Variants in RPH3A observed in about 807,000 individuals in gnomAD.
The protein encoded by RPH3A is rabphilin-3A.
RPH3A carries 48 observed loss-of-function variants against 102.2 expected under a neutral mutation model. That is an observed-to-expected ratio of 0.47 (90% CI 0.37 to 0.60). The LOEUF (loss-of-function observed/expected upper bound fraction) is 0.60. Ranked by LOEUF, RPH3A falls within the 20% of genes least tolerant of loss-of-function variation. RPH3A has a pLI of 0.00. For synonymous variants in RPH3A, 310 were observed against 324.3 expected (o/e 0.96, Z 0.47); for missense variants, 781 against 910.1 (o/e 0.86, Z 1.83).
chr12:112,672,249 TGG>T (rs1433153903), intron 1 of RPH3A, among the ~76,000 whole-genome samples: 2 of 152,116 alleles, frequency 1.3e-5, no homozygotes, highest in Non-Finnish European at 2.9e-5. Context: ...TCTTCTTCTT[TGG>T]GGGACCTCCA....
At chr12:112,694,410 T>TG in intron 1 of RPH3A, among the ~76,000 whole-genome samples, 1 of 152,208 alleles carries the variant, frequency 6.6e-6, no homozygotes, top group Admixed American at 6.5e-5. Context: ...TACAGGTCTC[T>TG]GGGGCAAGTG....
intron 1 of RPH3A, among the ~76,000 whole-genome samples, chr12:112,662,855 C>T (rs73194711): frequency 0.012 from 1,776 of 151,664 alleles, 20 homozygotes; most frequent in Non-Finnish European, 0.02. Context: ...ATCATGGTGG[C>T]CCATTCTTCC....
At chr12:112,870,083 A>G (rs773328921) in intron 10 of RPH3A, 44 bp downstream of exon 10, 39 of 1,559,052 alleles carry the variant, frequency 2.5e-5, no homozygotes, top group Non-Finnish European at 3.1e-5. Flanking sequence ...CTGGATAGGG[A>G]GACTCAAAAA....
At chr12:112,678,525 CACCA>C (rs2040203939) in intron 1 of RPH3A, among the ~76,000 whole-genome samples, 1 of 152,006 alleles carries the variant, frequency 6.6e-6, no homozygotes, top group Non-Finnish European at 1.5e-5. Context: ...ATATTGACAA[CACCA>C]AGAAAATCAA....
rs142795980 is a variant in RPH3A at position 112,698,485 on chromosome 12, T to A, written c.-139-93658T>A. ...AAGCCACAGACTTAAAGACTATATT[T>A]GTAAAACACATAGCTGATAAGTGAC... On this transcript the variant is annotated intron_variant, in intron 1 of 21. Transcript: ENST00000543106. Among the ~76,000 whole-genome samples the A allele has an allele frequency of 2.1e-3, 324 of 152,326 alleles. 2 individuals carry two copies. The highest frequency in any genetic ancestry group is 7.3e-3 in the African/African-American group (303 of 41,562).
intron 1 of RPH3A, among the ~76,000 whole-genome samples, chr12:112,648,576 A>T (rs2039950250): frequency 9.2e-6 from 1 of 108,778 alleles, no homozygotes; most frequent in Non-Finnish European, 1.9e-5. Context: ...TCTACAAAAA[A>T]AAAAAAAAAA....
intron 1 of RPH3A, among the ~76,000 whole-genome samples, chr12:112,740,184 A>G (rs1215201444): frequency 1.3e-5 from 2 of 152,212 alleles, no homozygotes; most frequent in African/African-American, 4.8e-5. Context: ...AGATAATAAT[A>G]GTACCTTCTA....
At chr12:112,630,601 G>A (rs957058899) in intron 1 of RPH3A, among the ~76,000 whole-genome samples, 9 of 152,200 alleles carry the variant, frequency 5.9e-5, no homozygotes, top group African/African-American at 1.9e-4. Flanking sequence ...TCTGGCTAAG[G>A]CCAATTCTTT....
At chr12:112,889,590 C>A (rs1008334369) in intron 17 of RPH3A, among the ~76,000 whole-genome samples, 2 of 152,144 alleles carry the variant, frequency 1.3e-5, no homozygotes, top group African/African-American at 4.8e-5. Flanking sequence ...TTCCCAGAGC[C>A]TAGAGTTCAG....
At chr12:112,829,026 T>C (rs1648930947) in intron 3 of RPH3A, among the ~76,000 whole-genome samples, 1 of 152,214 alleles carries the variant, frequency 6.6e-6, no homozygotes, top group South Asian at 2.1e-4. Context: ...CATTCCTTGT[T>C]GGTCTCTAAT....
chr12:112,882,876 G>T (rs1017006373), intron 15 of RPH3A, among the ~76,000 whole-genome samples: 27 of 152,346 alleles, frequency 1.8e-4, no homozygotes, highest in African/African-American at 6.5e-4. Flanking sequence ...AATGAAAAAT[G>T]TTGGCCCCTC....
At chr12:112,813,927 G>A (rs2136125892) in intron 2 of RPH3A, among the ~76,000 whole-genome samples, 1 of 151,308 alleles carries the variant, frequency 6.6e-6, no homozygotes, top group South Asian at 2.1e-4. Context: ...GTGGAAATGA[G>A]GGTGTTGTGT....
At chr12:112,808,799 G>A (rs2041516779) in intron 2 of RPH3A, among the ~76,000 whole-genome samples, 1 of 152,162 alleles carries the variant, frequency 6.6e-6, no homozygotes, top group African/African-American at 2.4e-5. Flanking sequence ...GGTCTGAGGA[G>A]CGGGTATGAA....
At chr12:112,845,015 C>T (rs1490952122) in intron 4 of RPH3A, among the ~76,000 whole-genome samples, 1 of 152,212 alleles carries the variant, frequency 6.6e-6, no homozygotes, top group East Asian at 1.9e-4. Flanking sequence ...TGAGTGTCCT[C>T]ACAACATGGC....
At chr12:112,894,514 G>A (rs1044092048) in intron 19 of RPH3A, 64 bp from the exon 20 acceptor site, 2 of 1,435,398 alleles carry the variant, frequency 1.4e-6, no homozygotes, top group African/African-American at 1.4e-5. Context: ...GGGGCCTTTG[G>A]GGTCAAGAGG....
intron 1 of RPH3A, among the ~76,000 whole-genome samples, chr12:112,733,635 G>A (rs1201241953): frequency 6.6e-6 from 1 of 152,136 alleles, no homozygotes; most frequent in Non-Finnish European, 1.5e-5. Flanking sequence ...TGAAGAGAAG[G>A]TGTCTTGGTT....
At chr12:112,792,359 GGGA>G (rs147564872) in intron 2 of RPH3A, 96 bp downstream of exon 2, 6,956 of 152,298 alleles carry the variant, frequency 0.046, 196 homozygotes, top group Middle Eastern at 0.071. Flanking sequence ...AAGGGTAGTT[GGGA>G]GGAGAAGGGT....
intron 1 of RPH3A, among the ~76,000 whole-genome samples, chr12:112,744,065 C>T (rs2040727541): frequency 6.6e-6 from 1 of 152,078 alleles, no homozygotes; most frequent in African/African-American, 2.4e-5. Context: ...TTCCAGGCTT[C>T]AGTTTTCTTT....
At chr12:112,728,027 C>T (rs2040607507) in intron 1 of RPH3A, among the ~76,000 whole-genome samples, 1 of 152,140 alleles carries the variant, frequency 6.6e-6, no homozygotes, top group Non-Finnish European at 1.5e-5. Context: ...CAAATTACTC[C>T]AGAAAGGCAC....
Sources: allele counts gnomAD v4.1 joint callset (sites outside exome capture counted in the v4.1 genomes callset), GRCh38; gene constraint gnomAD v4.1.1; transcripts MANE v1.5; gene names NCBI Gene and HGNC (gene_info 2026-07-23, HGNC 2026-07-21).